Variants in NMNAT2 observed in about 807,000 individuals in gnomAD.
The protein encoded by NMNAT2 is nicotinamide nucleotide adenylyltransferase 2.
NMNAT2 carries 11 observed loss-of-function variants against 41.6 expected under a neutral mutation model. That is an observed-to-expected ratio of 0.26 (90% CI 0.17 to 0.44). The LOEUF (loss-of-function observed/expected upper bound fraction) is 0.44, where lower values mean the gene tolerates loss of function less well. Among genes scored for constraint, NMNAT2 ranks in the 20% least tolerant of loss-of-function variants. NMNAT2 has a pLI of 1.00. For synonymous variants in NMNAT2, 148 were observed against 151.2 expected (o/e 0.98, Z 0.16); for missense variants, 288 against 407.7 (o/e 0.71, Z 2.53).
At chr1:183,316,276 A>G (rs1216059323) in intron 1 of NMNAT2, among the ~76,000 whole-genome samples, 7 of 152,162 alleles carry the variant, frequency 4.6e-5, no homozygotes, top group African/African-American at 1.7e-4. Context: ...GAAGAGGGAA[A>G]GGGTGGCAGG....
At chr1:183,388,499 C>T (rs941855598) in intron 1 of NMNAT2, among the ~76,000 whole-genome samples, 2 of 152,202 alleles carry the variant, frequency 1.3e-5, no homozygotes, top group Non-Finnish European at 2.9e-5. Context: ...CCTTATTAAC[C>T]ATATGGTCCT....
At chr1:183,388,552 C>T (rs571556881) in intron 1 of NMNAT2, among the ~76,000 whole-genome samples, 5 of 152,258 alleles carry the variant, frequency 3.3e-5, no homozygotes, top group Admixed American at 3.3e-4. Context: ...ATCTAGAATT[C>T]GATGTTGCAC....
chr1:183,332,323 T>C (rs662172), intron 1 of NMNAT2, among the ~76,000 whole-genome samples: 3,708 of 152,276 alleles, frequency 0.024, 143 homozygotes, highest in African/African-American at 0.085. Flanking sequence ...CAATGTGAGA[T>C]TTTTTAATAG....
In NMNAT2 at chr1:183,362,995, C is replaced by T. The variant is rs572599146; in HGVS notation, c.85+55188G>A. On this transcript the variant is annotated intron_variant, in intron 1 of 10. Coordinates refer to ENST00000287713, the MANE Select transcript of NMNAT2 (RefSeq NM_015039.4). ...TTTTTATTATAGCCATTCTGGTGGGCGTGAAGTGGTATCTCACTGTGATTT... is the reference window on the plus strand; with the variant it reads ...TTTTTATTATAGCCATTCTGGTGGGTGTGAAGTGGTATCTCACTGTGATTT... Among the ~76,000 whole-genome samples the T allele has an allele frequency of 1.1e-4, 17 of 152,202 alleles. 1 individual carries two copies. The South Asian group carries it at 1.9e-3, about 17-fold the overall frequency.
chr1:183,328,059 G>A (rs1662506918), intron 1 of NMNAT2, among the ~76,000 whole-genome samples: 1 of 152,174 alleles, frequency 6.6e-6, no homozygotes, highest in African/African-American at 2.4e-5. Context: ...GTTCCCTCCA[G>A]GACTTGGGCC....
chr1:183,364,687 T>TTTCTTTCTTTC (rs1553218937), intron 1 of NMNAT2, among the ~76,000 whole-genome samples: 1 of 36,330 alleles, frequency 2.8e-5, no homozygotes, highest in Admixed American at 2.9e-4. Flanking sequence ...TTCTTTCTTT[T>TTTCTTTCTTTC]TTTGTTGTTG....
chr1:183,391,531 T>TA (rs35180180), intron 1 of NMNAT2, among the ~76,000 whole-genome samples: 37,782 of 151,284 alleles, frequency 0.25, 4,689 homozygotes, highest in South Asian at 0.29. Context: ...TCTCTCATCT[T>TA]AAAAAAAAAT....
At chr1:183,324,410 G>A (rs1662418567) in intron 1 of NMNAT2, among the ~76,000 whole-genome samples, 1 of 152,160 alleles carries the variant, frequency 6.6e-6, no homozygotes, top group South Asian at 2.1e-4. Context: ...ACACTGAACT[G>A]TTTGAAGTGG....
intron 1 of NMNAT2, among the ~76,000 whole-genome samples, chr1:183,356,020 T>C (rs185552868): frequency 3.2e-4 from 48 of 152,208 alleles, no homozygotes; most frequent in Admixed American, 9.2e-4. Flanking sequence ...ACTCCGGAGG[T>C]GGGGCATCTG....
At chr1:183,399,691 G>A (rs1381598132) in intron 1 of NMNAT2, among the ~76,000 whole-genome samples, 3 of 152,260 alleles carry the variant, frequency 2.0e-5, no homozygotes, top group Admixed American at 2.0e-4. Flanking sequence ...AAATCCAGCA[G>A]CACATCAAAA....
At chr1:183,305,716 C>CTTTTTT (rs5741563) in intron 1 of NMNAT2, among the ~76,000 whole-genome samples, 2 of 123,166 alleles carry the variant, frequency 1.6e-5, no homozygotes, top group African/African-American at 6.1e-5. Context: ...CCTTTACAGC[C>CTTTTTT]TTTTTTTTTT....
chr1:183,283,812 GA>G (rs1661327940), intron 7 of NMNAT2, 182 bp downstream of exon 7: 4 of 666,036 alleles, frequency 6.0e-6, no homozygotes, highest in Middle Eastern at 4.8e-4. Flanking sequence ...GTCCAGTTAA[GA>G]GATGTTAAAG....
intron 1 of NMNAT2, among the ~76,000 whole-genome samples, chr1:183,389,798 A>AGGG (rs1557897595): frequency 1.2e-5 from 1 of 82,306 alleles, no homozygotes; most frequent in Non-Finnish European, 2.7e-5. Flanking sequence ...GAAAGAAAGA[A>AGGG]AGAAAGAAAG....
At chr1:183,345,622 T>C (rs1662909825) in intron 1 of NMNAT2, among the ~76,000 whole-genome samples, 7 of 152,170 alleles carry the variant, frequency 4.6e-5, no homozygotes, top group Admixed American at 4.6e-4. Flanking sequence ...GGAAGGCCCT[T>C]GTCAGATGCG....
intron 8 of NMNAT2, among the ~76,000 whole-genome samples, chr1:183,264,110 C>G (rs1660740517): frequency 6.6e-6 from 1 of 152,026 alleles, no homozygotes; most frequent in South Asian, 2.1e-4. Context: ...TTCAAGATAA[C>G]CTAGTATAGA....
At chr1:183,318,286 G>T (rs1469515798) in intron 1 of NMNAT2, among the ~76,000 whole-genome samples, 1 of 152,202 alleles carries the variant, frequency 6.6e-6, no homozygotes, top group Non-Finnish European at 1.5e-5. Context: ...GCCCCAGCCT[G>T]AAGTCCTCTT....
chr1:183,389,914 G>A (rs1648421379), intron 1 of NMNAT2, among the ~76,000 whole-genome samples: 1 of 145,684 alleles, frequency 6.9e-6, no homozygotes, highest in African/African-American at 2.5e-5. Context: ...AAGGAAGGAA[G>A]GAAAGAAAGA....
At chr1:183,352,065 G>A (rs976633376) in intron 1 of NMNAT2, among the ~76,000 whole-genome samples, 4 of 152,128 alleles carry the variant, frequency 2.6e-5, no homozygotes, top group South Asian at 2.1e-4. Context: ...CTCCTGGGAA[G>A]AGAATGTCTA....
chr1:183,270,569 G>A (rs1322362402), intron 8 of NMNAT2, among the ~76,000 whole-genome samples: 3 of 152,018 alleles, frequency 2.0e-5, no homozygotes, highest in South Asian at 4.2e-4. Context: ...CTTAAGAGGG[G>A]CTTCCCAGAT....
Sources: allele counts gnomAD v4.1 joint callset (sites outside exome capture counted in the v4.1 genomes callset), GRCh38; gene constraint gnomAD v4.1.1; transcripts MANE v1.5; gene names NCBI Gene and HGNC (gene_info 2026-07-23, HGNC 2026-07-21).